Variants in MSI2 observed in about 807,000 individuals in gnomAD.
MSI2 encodes RNA-binding protein Musashi homolog 2.
In MSI2, 17 loss-of-function variants were observed where a neutral mutation model predicts 45.6. The observed-to-expected ratio is 0.37, with a 90% CI of 0.26 to 0.56. The LOEUF (loss-of-function observed/expected upper bound fraction) is 0.56. MSI2 is among the 20% of genes least tolerant of loss of function. The pLI is 0.77. For missense variants in MSI2, 293 were observed against 444.2 expected (o/e 0.66, Z 3.06); for synonymous variants, 156 against 158.2 (o/e 0.99, Z 0.11).
chr17:57,309,096 C>T lies in MSI2; in HGVS notation c.312+46904C>T, dbSNP rs143472602. Among the ~76,000 whole-genome samples the T allele has an allele frequency of 2.3e-3, 346 of 152,276 alleles. 1 individual carries two copies. The highest frequency in any genetic ancestry group is 8.0e-3 in the African/African-American group (334 of 41,546). ...AACTGAGTCTTCTTTGTAGTCTCAA[C>T]GCAGGTTTTCTGTGGACTGGAGAAA... is the stretch of plus-strand genomic sequence containing the variant. On this transcript the variant is annotated intron_variant, in intron 5 of 13. Coordinates refer to ENST00000284073, the MANE Select transcript of MSI2 (RefSeq NM_138962.4).
intron 6 of MSI2, among the ~76,000 whole-genome samples, chr17:57,426,557 A>G (rs1341563954): frequency 6.6e-6 from 1 of 152,222 alleles, no homozygotes; most frequent in Non-Finnish European, 1.5e-5. Flanking sequence ...AATTGTAGAC[A>G]TGTTTTTGAT....
intron 7 of MSI2, among the ~76,000 whole-genome samples, chr17:57,563,251 A>G (rs1044619911): frequency 1.3e-5 from 2 of 151,742 alleles, no homozygotes; most frequent in African/African-American, 2.4e-5. Context: ...ATTTCTCATC[A>G]CCTACCCCAT....
At chr17:57,362,643 A>AG in intron 5 of MSI2, among the ~76,000 whole-genome samples, 1 of 152,256 alleles carries the variant, frequency 6.6e-6, no homozygotes, top group Admixed American at 6.5e-5. Flanking sequence ...ATGTGGTTCT[A>AG]GGGGGGAAAA....
chr17:57,642,761 G>A (rs991026573), intron 10 of MSI2, among the ~76,000 whole-genome samples: 5 of 152,206 alleles, frequency 3.3e-5, no homozygotes. Flanking sequence ...AGTATTTACT[G>A]GGAGGGCACA....
chr17:57,549,114 A>G (rs964395173), intron 7 of MSI2, among the ~76,000 whole-genome samples: 1 of 152,136 alleles, frequency 6.6e-6, no homozygotes, highest in African/African-American at 2.4e-5. Context: ...GGCTTAAGTG[A>G]TTCTCCCACC....
In MSI2 at chr17:57,680,469, T is replaced by C. The variant is rs911665058; in HGVS notation, c.*952T>C. The stretch of plus-strand genomic sequence containing the variant: ...TGTGGAAGGAGGCGGGAAGGGAACG[T>C]TGGCCAAGTCAGTTACTGAGATGAA... On this transcript the variant is annotated 3_prime_UTR_variant, in exon 14 of 14. Coordinates refer to ENST00000284073, the MANE Select transcript of MSI2 (RefSeq NM_138962.4). The C allele has an allele frequency of 1.7e-4, 38 of 228,936 alleles. 1 individual carries two copies. The highest frequency in any genetic ancestry group is 7.5e-4 in the African/African-American group (34 of 45,116). The allele number at this position is 228,936 out of a possible 1,614,324, so 14.2% of individuals were successfully genotyped here.
In MSI2 at chr17:57,561,044, A is replaced by G. The variant is rs148849579; in HGVS notation, c.454+31320A>G. ...CAGAGCCCATCTAGCTGATGAAGCA[A>G]ATGGCGGTGAGGTCGGTGCCCTCTG... On this transcript the variant is annotated intron_variant, in intron 7 of 13. Coordinates refer to ENST00000284073, the MANE Select transcript of MSI2 (RefSeq NM_138962.4). Among the ~76,000 whole-genome samples, 1,156 of 152,348 alleles carry G rather than the reference A, an allele frequency of 7.6e-3. 13 individuals carry two copies. The highest frequency in any genetic ancestry group is 0.01 in the Middle Eastern group (3 of 294).
At chr17:57,534,434 C>A (rs764527998) in intron 7 of MSI2, among the ~76,000 whole-genome samples, 12 of 152,166 alleles carry the variant, frequency 7.9e-5, no homozygotes, top group Admixed American at 2.6e-4. Flanking sequence ...GGATGCCAGT[C>A]GGCACGATGG....
intron 7 of MSI2, among the ~76,000 whole-genome samples, chr17:57,538,854 A>G (rs541001367): frequency 6.6e-6 from 1 of 152,202 alleles, no homozygotes; most frequent in African/African-American, 2.4e-5. Context: ...AAGTGAGACA[A>G]ATCTAAGCTC....
At chr17:57,695,194 G>A in the MSI2 span, among the ~76,000 whole-genome samples, 335 of 152,262 alleles carry the variant, frequency 2.2e-3, 2 homozygotes, top group African/African-American at 6.0e-3. Context: ...ATTACCTTTC[G>A]AATTAAAAGT....
intron 8 of MSI2, among the ~76,000 whole-genome samples, chr17:57,599,294 G>A (rs567998426): frequency 6.6e-6 from 1 of 152,342 alleles, no homozygotes; most frequent in East Asian, 1.9e-4. Context: ...TGAGGCTCAG[G>A]GGATAGGTCC....
chr17:57,568,001 C>T (rs914145845), intron 7 of MSI2, among the ~76,000 whole-genome samples: 1 of 152,192 alleles, frequency 6.6e-6, no homozygotes, highest in Non-Finnish European at 1.5e-5. Flanking sequence ...GATTTGATGA[C>T]ATCCCATAAG....
intron 5 of MSI2, among the ~76,000 whole-genome samples, chr17:57,321,494 G>A (rs1478479513): frequency 2.0e-5 from 3 of 152,096 alleles, no homozygotes; most frequent in African/African-American, 4.8e-5. Context: ...GAAATGCCTC[G>A]GCTTCTCTGG....
intron 6 of MSI2, among the ~76,000 whole-genome samples, chr17:57,454,030 C>T (rs1461615104): frequency 6.6e-6 from 1 of 152,212 alleles, no homozygotes; most frequent in Non-Finnish European, 1.5e-5. Context: ...TGTTGGCCGC[C>T]AAGGCTGATA....
chr17:57,290,599 T>C (rs1400451066), intron 5 of MSI2, among the ~76,000 whole-genome samples: 1 of 152,230 alleles, frequency 6.6e-6, no homozygotes, highest in Admixed American at 6.5e-5. Flanking sequence ...AAGTGTGAAC[T>C]ACTGTCCCTG....
rs1320215996 is a variant in MSI2 at position 57,270,138 on chromosome 17, G to C, written c.312+7946G>C. Among the ~76,000 whole-genome samples the C allele has an allele frequency of 2.0e-5, 3 of 152,278 alleles. No individual in the cohort carries two copies. The South Asian group carries it at 6.2e-4, about 32-fold the overall frequency. On this transcript the variant is annotated intron_variant, in intron 5 of 13. Transcript: ENST00000284073. ...TATTTTAGCTGTGAGATTTTGAATAGTTAAAAAGAAAAATCCTAATTCAGA... is the reference window on the plus strand; with the variant it reads ...TATTTTAGCTGTGAGATTTTGAATACTTAAAAAGAAAAATCCTAATTCAGA...
chr17:57,419,487 C>T (rs919718598), intron 6 of MSI2, among the ~76,000 whole-genome samples: 8 of 151,792 alleles, frequency 5.3e-5, no homozygotes, highest in African/African-American at 1.7e-4. Context: ...CTCAGCCTCC[C>T]GAGTAGCTGG....
At chr17:57,466,853 T>C (rs9904843) in intron 6 of MSI2, among the ~76,000 whole-genome samples, 5,096 of 152,298 alleles carry the variant, frequency 0.033, 247 homozygotes, top group African/African-American at 0.11. Flanking sequence ...ATATTTCAGT[T>C]ACTGGTCTTA....
intron 6 of MSI2, among the ~76,000 whole-genome samples, chr17:57,459,364 T>C (rs2085178945): frequency 6.6e-6 from 1 of 152,122 alleles, no homozygotes; most frequent in Non-Finnish European, 1.5e-5. Context: ...CAGTCGGACT[T>C]TCTAGAAAAA....
Sources: allele counts gnomAD v4.1 joint callset (sites outside exome capture counted in the v4.1 genomes callset), GRCh38; gene constraint gnomAD v4.1.1; transcripts MANE v1.5; gene names NCBI Gene and HGNC (gene_info 2026-07-23, HGNC 2026-07-21).